CYP3A43: variants seen among roughly 807,000 people sequenced by gnomAD.
The protein encoded by CYP3A43 is cytochrome P450 3A43.
Under a neutral mutation model 58.0 loss-of-function variants are expected in CYP3A43, and 45 were observed. The observed-to-expected ratio is 0.78, with a 90% CI of 0.61 to 0.99. The LOEUF (loss-of-function observed/expected upper bound fraction) is 0.99. CYP3A43 is among the 50% of genes least tolerant of loss of function. The pLI, the probability that CYP3A43 is intolerant of heterozygous loss-of-function variation, is 0.00. For missense variants in CYP3A43, 593 were observed against 591.9 expected, an observed-to-expected ratio of 1.00 and a Z score of -0.02; for synonymous variants, 191 against 201.4, an observed-to-expected ratio of 0.95 and a Z score of 0.44.
At chr7:99,862,781 G>T (rs1320942109) in intron 11 of CYP3A43, among the ~76,000 whole-genome samples, 2 of 152,146 alleles carry the variant, frequency 1.3e-5, no homozygotes, top group Non-Finnish European at 2.9e-5. Context: ...TGTCTCTACT[G>T]CTGGCACAGA....
intron 3 of CYP3A43, among the ~76,000 whole-genome samples, chr7:99,843,707 C>G (rs1055114631): frequency 6.6e-6 from 1 of 152,086 alleles, no homozygotes; most frequent in Non-Finnish European, 1.5e-5. Context: ...CTCAAGTGAT[C>G]CACCCACCTC....
In CYP3A43 at chr7:99,859,929, C is replaced by T; in HGVS notation, c.965C>T (p.Ala322Val). ...CTCCCCTTCATTATGTATGAACTGG[C>T]CACTCACCCTGATGTCCAGCAGAAA... ...TTLPFIMYEL[A>V]THPDVQQKLQ... The change falls in exon 10 of 13, where the codon GCC (alanine) becomes GTC (valine). Residue 322 changes from alanine to valine, a missense_variant. By Grantham distance (64) the Ala-to-Val change is moderately conservative (BLOSUM62 0). Transcript: ENST00000354829. 1 of 1,613,574 alleles carries T rather than the reference C, an allele frequency of 6.2e-7. No individual in the cohort carries two copies. Among genetic ancestry groups the T allele is most frequent in the Non-Finnish European group, 8.5e-7 (1 of 1,179,764 alleles).
At chr7:99,860,134 A>C in intron 10 of CYP3A43, 144 bp downstream of exon 10, 2 of 1,043,510 alleles carry the variant, frequency 1.9e-6, no homozygotes, top group Non-Finnish European at 2.7e-6. Flanking sequence ...GTAAAGAGTA[A>C]AAACAAAGGG....
In CYP3A43 at chr7:99,866,025, G is replaced by A. The variant is rs745865848; in HGVS notation, c.*24G>A. ...GACTTTCCCTAAGGACTTCCACTTT[G>A]TTCAAGAAAGCTGTATCCCAGAACA... On this transcript the variant is annotated 3_prime_UTR_variant, in exon 13 of 13. Transcript: ENST00000354829. 2 of 1,479,120 alleles carry A rather than the reference G, an allele frequency of 1.4e-6. No individual in the cohort carries two copies. The highest frequency in any genetic ancestry group is 1.9e-6 in the Non-Finnish European group (2 of 1,077,568). 91.6% of individuals were successfully genotyped at this position (1,479,120 alleles called of 1,614,324 possible). A position where few individuals can be genotyped will look rare whatever the true frequency, so the allele number is the denominator to read the frequency against.
intron 1 of CYP3A43, among the ~76,000 whole-genome samples, chr7:99,831,851 G>C (rs1417696142): frequency 6.6e-6 from 1 of 152,202 alleles, no homozygotes. Context: ...AGGAGGAATG[G>C]CCTTGAAATT....
rs1817579495 is a variant in CYP3A43 at position 99,847,498 on chromosome 7, C to A, written c.329C>A (p.Pro110Gln). Residue 110 changes from proline (P) to glutamine (Q), a missense_variant, in exon 5 of 13, where the codon CCA becomes CAA. By Grantham distance (76) the Pro-to-Gln change is moderately conservative. Coordinates refer to ENST00000354829, the MANE Select transcript of CYP3A43 (RefSeq NM_057095.3). ...SVFTNQMPLG[P>Q]MGFLKSALSF... is the part of the protein sequence containing the mutation. ...TGCTTTGAACTCAAGCCTTTAGGTC[C>A]AATGGGATTTCTGAAAAGTGCCTTA... The A allele has an allele frequency of 6.2e-7, 1 of 1,613,818 alleles. No individual in the cohort carries two copies. Among genetic ancestry groups the A allele is most frequent in the African/African-American group, 1.3e-5 (1 of 74,962 alleles).
At chr7:99,834,521 A>G (rs1563058789) in intron 1 of CYP3A43, among the ~76,000 whole-genome samples, 1 of 152,176 alleles carries the variant, frequency 6.6e-6, no homozygotes, top group Non-Finnish European at 1.5e-5. Flanking sequence ...CTGTCCATTT[A>G]GTCAGCAGCT....
chr7:99,848,037 T>G, intron 5 of CYP3A43, 129 bp from the exon 6 acceptor site: 4 of 924,990 alleles, frequency 4.3e-6, no homozygotes, highest in Non-Finnish European at 6.6e-6. Context: ...GGGGCGGTCT[T>G]TTCTATTTAT....
In CYP3A43 at chr7:99,857,132, G is replaced by A. The variant is rs517284; in HGVS notation, c.865+233G>A. ...AACAAGTGTGGCACTCCCGGAGGTC[G>A]GTCAGTGATCTGTGGATCACCCACA... On this transcript the variant is annotated intron_variant, in intron 9 of 12. Coordinates refer to ENST00000354829, the MANE Select transcript of CYP3A43 (RefSeq NM_057095.3). 0.14 allele frequency among the ~76,000 whole-genome samples: 20,624 copies of A among 152,046 alleles called. 2,749 individuals are homozygous for A. Among genetic ancestry groups the A allele is most frequent in the African/African-American group, 0.34 (14,263 of 41,402 alleles).
chr7:99,848,519 C>T lies in CYP3A43; in HGVS notation c.521+265C>T, dbSNP rs1817624742. Among the ~76,000 whole-genome samples, 5 of 152,138 alleles carry T rather than the reference C, an allele frequency of 3.3e-5. 1 individual carries two copies. The South Asian group carries it at 1.0e-3, about 31-fold the overall frequency. On this transcript the variant is annotated intron_variant, in intron 6 of 12. Coordinates refer to ENST00000354829, the MANE Select transcript of CYP3A43 (RefSeq NM_057095.3). ...CCTTGGATATTCCAAAAGAATAATA[C>T]ATTGTGTAGAAAGAAAAAATAAAAA...
chr7:99,855,387 C>T, intron 7 of CYP3A43: 1 of 536,716 alleles, frequency 1.9e-6, no homozygotes, highest in Non-Finnish European at 3.2e-6. Context: ...GTGGAGGCCC[C>T]TATGTGTGGA....
In CYP3A43 at chr7:99,844,243, G is replaced by A. The variant is rs1454688299; in HGVS notation, c.318+1G>A. The A allele has an allele frequency of 6.2e-7, 1 of 1,611,662 alleles. No homozygotes were observed. On this transcript the variant is annotated splice_donor_variant, in intron 4 of 12. Coordinates refer to ENST00000354829, the MANE Select transcript of CYP3A43 (RefSeq NM_057095.3). LOFTEE classifies it high-confidence loss of function. ...TTACTCTGTCTTCACAAACCAGATG[G>A]TAGGCCTATATTTTCAAATGTATTA...
intron 9 of CYP3A43, among the ~76,000 whole-genome samples, chr7:99,858,352 T>G (rs1818077444): frequency 6.6e-6 from 1 of 152,196 alleles, no homozygotes; most frequent in Non-Finnish European, 1.5e-5. Context: ...ATGAAATACA[T>G]GGTTGGAGTG....
rs1818004181 is a variant in CYP3A43 at position 99,856,917 on chromosome 7, C to T, written c.865+18C>T. 1 of 1,610,370 alleles carries T rather than the reference C, an allele frequency of 6.2e-7. No individual in the cohort carries two copies. Among genetic ancestry groups the T allele is most frequent in the African/African-American group, 1.3e-5 (1 of 74,682 alleles). ...CCATAAAGGTAACCAAGAACTGCATCTGGGGGCTACTGATGGGGACACTCA... is the reference window on the plus strand; with the variant it reads ...CCATAAAGGTAACCAAGAACTGCATTTGGGGGCTACTGATGGGGACACTCA... On this transcript the variant is annotated intron_variant, in intron 9 of 12. Transcript: ENST00000354829.
chr7:99,851,155 C>T (rs1817746751), intron 7 of CYP3A43, among the ~76,000 whole-genome samples: 1 of 142,358 alleles, frequency 7.0e-6, no homozygotes, highest in Admixed American at 6.8e-5. Context: ...CAGAGCAAGA[C>T]CCCGTCTAAA....
chr7:99,855,452 G>C (rs930103956), intron 7 of CYP3A43, 139 bp from the exon 8 acceptor site: 1 of 1,139,058 alleles, frequency 8.8e-7, no homozygotes, highest in Non-Finnish European at 1.2e-6. Context: ...TACAGGAAGA[G>C]GGGCAAAGGT....
chr7:99,849,724 C>T, intron 7 of CYP3A43, 30 bp downstream of exon 7: 1 of 1,525,010 alleles, frequency 6.6e-7, no homozygotes, highest in East Asian at 2.3e-5. Flanking sequence ...ATTTCTCTCT[C>T]TCTCTCTCTC....
intron 2 of CYP3A43, among the ~76,000 whole-genome samples, chr7:99,837,244 G>C (rs1301849097): frequency 2.9e-4 from 43 of 150,244 alleles, no homozygotes; most frequent in African/African-American, 1.0e-3. Context: ...GCGTGAACCC[G>C]GGAGGCGGAG....
intron 3 of CYP3A43, 127 bp from the exon 4 acceptor site, chr7:99,844,016 G>A: frequency 2.9e-6 from 2 of 680,458 alleles, no homozygotes; most frequent in Admixed American, 3.0e-5. Flanking sequence ...AGCTGGCTTT[G>A]CTGTGTATTG....
Sources: allele counts gnomAD v4.1 joint callset (sites outside exome capture counted in the v4.1 genomes callset), GRCh38; gene constraint gnomAD v4.1.1; transcripts MANE v1.5; gene names NCBI Gene and HGNC (gene_info 2026-07-23, HGNC 2026-07-21).